Variants in ATP13A4 observed in about 807,000 individuals in gnomAD.
ATP13A4 encodes the protein ATPase 13A4.
In ATP13A4, 114 loss-of-function variants were observed where a neutral mutation model predicts 142.5. That is an observed-to-expected ratio of 0.80 (90% confidence interval 0.69 to 0.93). ATP13A4 has a LOEUF of 0.93. Among genes scored for constraint, ATP13A4 ranks in the 40% least tolerant of loss-of-function variants. The pLI is 0.00. For missense variants in ATP13A4, 1,392 were observed against 1,454.0 expected, an observed-to-expected ratio of 0.96 and a Z score of 0.69; for synonymous variants, 488 against 514.8, an observed-to-expected ratio of 0.95 and a Z score of 0.70.
In ATP13A4 at chr3:193,421,723, A is replaced by C. The variant is rs1277259825; in HGVS notation, c.2843-6973T>G. Among the ~76,000 whole-genome samples the C allele has an allele frequency of 8.0e-5, 12 of 149,974 alleles. No homozygotes were observed. The Admixed American group carries it at 8.3e-4, about 10-fold the overall frequency. Reference sequence around the variant, plus strand: ...ACTGAGGTTAGTTGTTTTCAGTGTAAAACAGTCCATTATAATTATAAGATA... The same window carrying C: ...ACTGAGGTTAGTTGTTTTCAGTGTACAACAGTCCATTATAATTATAAGATA... On this transcript the variant is annotated intron_variant, in intron 25 of 29. Coordinates refer to ENST00000342695, the MANE Select transcript of ATP13A4 (RefSeq NM_032279.4).
At chr3:193,455,217 C>T (rs796563544) in intron 16 of ATP13A4, among the ~76,000 whole-genome samples, 16 of 151,756 alleles carry the variant, frequency 1.1e-4, no homozygotes, top group Middle Eastern at 3.5e-3. Context: ...GGCGGGAGCC[C>T]GTAGTCCCAA....
At chr3:193,499,027 C>CA (rs1560234562) in intron 3 of ATP13A4, among the ~76,000 whole-genome samples, 1 of 152,126 alleles carries the variant, frequency 6.6e-6, no homozygotes, top group Non-Finnish European at 1.5e-5. Context: ...TCTAGGTTAC[C>CA]AAAAATGAAT....
Position 193,536,367 on chromosome 3 carries a change from G to C in ATP13A4, c.60+18373C>G, listed in dbSNP as rs376862754. 3.3e-5 allele frequency among the ~76,000 whole-genome samples: 5 copies of C among 152,096 alleles called. No homozygotes were observed. The East Asian group carries it at 5.8e-4, about 18-fold the overall frequency. On this transcript the variant is annotated intron_variant, in intron 1 of 29. Coordinates refer to ENST00000342695, the MANE Select transcript of ATP13A4 (RefSeq NM_032279.4). ...ACAAAAATTAATCATCATTGATTTA[G>C]CAGACCACCATGTTAACAGACTAAA...
intron 7 of ATP13A4, among the ~76,000 whole-genome samples, chr3:193,486,480 G>A (rs887880075): frequency 6.6e-6 from 1 of 152,196 alleles, no homozygotes; most frequent in Non-Finnish European, 1.5e-5. Context: ...GACTTTCTGT[G>A]TAGTTGAAGG....
At chr3:193,486,218 A>T (rs1719607524) in intron 7 of ATP13A4, among the ~76,000 whole-genome samples, 1 of 152,202 alleles carries the variant, frequency 6.6e-6, no homozygotes, top group African/African-American at 2.4e-5. Context: ...GAAACTAAAA[A>T]GTTTGTGAAC....
At chr3:193,420,651 A>G (rs1354986927) in intron 25 of ATP13A4, among the ~76,000 whole-genome samples, 1 of 149,768 alleles carries the variant, frequency 6.7e-6, no homozygotes, top group Non-Finnish European at 1.5e-5. Context: ...TAGGAAAATT[A>G]GGAAAATTAG....
intron 1 of ATP13A4, among the ~76,000 whole-genome samples, chr3:193,583,603 T>C (rs1372429058): frequency 6.6e-6 from 1 of 152,060 alleles, no homozygotes; most frequent in African/African-American, 2.4e-5. Flanking sequence ...ATAATAGTTG[T>C]TACAGTAGAA....
At chr3:193,576,836 T>C (rs183770068) in intron 2 of ATP13A4, among the ~76,000 whole-genome samples, 1 of 152,116 alleles carries the variant, frequency 6.6e-6, no homozygotes, top group African/African-American at 2.4e-5. Context: ...CATGAAGATA[T>C]CGGTGCCTCC....
intron 1 of ATP13A4, among the ~76,000 whole-genome samples, chr3:193,550,507 T>C (rs527678366): frequency 6.6e-6 from 1 of 152,210 alleles, no homozygotes; most frequent in South Asian, 2.1e-4. Context: ...GGTTTCACTA[T>C]GTTGCCCAGG....
intron 28 of ATP13A4, among the ~76,000 whole-genome samples, chr3:193,408,027 T>G (rs1024456051): frequency 6.6e-6 from 1 of 152,252 alleles, no homozygotes. Context: ...GCCCATTTTC[T>G]CTGTGTCTTC....
At chr3:193,554,697 T>G in intron 1 of ATP13A4, 43 bp downstream of exon 1, 1 of 1,581,228 alleles carries the variant, frequency 6.3e-7, no homozygotes, top group Non-Finnish European at 8.7e-7. Context: ...TCTCGCAGGC[T>G]GAGAAGTGGG....
intron 29 of ATP13A4, among the ~76,000 whole-genome samples, chr3:193,406,527 C>T (rs1474673297): frequency 6.6e-6 from 1 of 152,140 alleles, no homozygotes; most frequent in African/African-American, 2.4e-5. Context: ...GATATTGTGT[C>T]TGGTAGTACT....
At chr3:193,591,895 TC>T (rs1724806642) in intron 1 of ATP13A4, among the ~76,000 whole-genome samples, 1 of 152,122 alleles carries the variant, frequency 6.6e-6, no homozygotes, top group Non-Finnish European at 1.5e-5. Context: ...AACCCTACAA[TC>T]CCAGGAAGAT....
intron 28 of ATP13A4, among the ~76,000 whole-genome samples, chr3:193,410,006 T>G (rs1451332035): frequency 6.6e-6 from 1 of 152,252 alleles, no homozygotes; most frequent in African/African-American, 2.4e-5. Context: ...GAGCTGTTTC[T>G]TTAGTCATCT....
At chr3:193,590,749 T>C (rs937655123) in intron 1 of ATP13A4, among the ~76,000 whole-genome samples, 1 of 152,236 alleles carries the variant, frequency 6.6e-6, no homozygotes, top group Non-Finnish European at 1.5e-5. Flanking sequence ...AGGTTCCTCT[T>C]GTCATAATTT....
At chr3:193,503,880 C>T (rs1720698584) in intron 2 of ATP13A4, among the ~76,000 whole-genome samples, 1 of 152,044 alleles carries the variant, frequency 6.6e-6, no homozygotes. Flanking sequence ...ACTCAAGATT[C>T]CTACCACATT....
chr3:193,438,895 A>C (rs1029509507), intron 22 of ATP13A4, 128 bp downstream of exon 22: 11 of 1,009,260 alleles, frequency 1.1e-5, no homozygotes, highest in Non-Finnish European at 1.6e-5. Flanking sequence ...ATATGCCAGG[A>C]GTATACCTCT....
upstream of ATP13A4, among the ~76,000 whole-genome samples, chr3:193,557,211 C>T (rs969912963): frequency 6.6e-6 from 1 of 152,134 alleles, no homozygotes; most frequent in African/African-American, 2.4e-5. Flanking sequence ...ACATTAAAAG[C>T]TTTTATAAAA....
At chr3:193,541,066 G>A (rs370622951) in intron 1 of ATP13A4, among the ~76,000 whole-genome samples, 162 of 151,976 alleles carry the variant, frequency 1.1e-3, no homozygotes, top group Non-Finnish European at 1.3e-3. Flanking sequence ...TGGCTAACAC[G>A]GTGAAACCCC....
Sources: allele counts gnomAD v4.1 joint callset (sites outside exome capture counted in the v4.1 genomes callset), GRCh38; gene constraint gnomAD v4.1.1; transcripts MANE v1.5; gene names NCBI Gene and HGNC (gene_info 2026-07-23, HGNC 2026-07-21).